SDC2: variants seen among roughly 807,000 people sequenced by gnomAD.
The protein encoded by SDC2 is syndecan-2.
Under a neutral mutation model 22.2 loss-of-function variants are expected in SDC2, and 13 were observed. That is an observed-to-expected ratio of 0.59 (90% CI 0.38 to 0.93). SDC2 has a LOEUF of 0.93. Ranked by LOEUF, SDC2 falls within the 40% of genes least tolerant of loss-of-function variation. SDC2 has a pLI of 0.00. For synonymous variants in SDC2, 94 were observed against 92.8 expected, an observed-to-expected ratio of 1.01 and a Z score of -0.07; for missense variants, 235 against 246.8, an observed-to-expected ratio of 0.95 and a Z score of 0.32.
At chr8:96,550,689 A>G (rs1452087952) in intron 1 of SDC2, among the ~76,000 whole-genome samples, 4 of 152,206 alleles carry the variant, frequency 2.6e-5, no homozygotes, top group East Asian at 1.9e-4. Flanking sequence ...CCTCTGCTGT[A>G]TAGGCAGATT....
chr8:96,558,886 C>A (rs898047278), intron 1 of SDC2, among the ~76,000 whole-genome samples: 2 of 151,948 alleles, frequency 1.3e-5, no homozygotes, highest in African/African-American at 4.8e-5. Flanking sequence ...TAATAGTAAA[C>A]TAAGTGATGC....
chr8:96,502,847 A>T (rs1266806270), intron 1 of SDC2, among the ~76,000 whole-genome samples: 1 of 152,238 alleles, frequency 6.6e-6, no homozygotes, highest in African/African-American at 2.4e-5. Flanking sequence ...GGGAATGTCC[A>T]TGCGTTGTGT....
At chr8:96,598,722 G>C (rs145995612) in intron 2 of SDC2, among the ~76,000 whole-genome samples, 4 of 152,122 alleles carry the variant, frequency 2.6e-5, no homozygotes, top group African/African-American at 9.7e-5. Flanking sequence ...CAGAGAGGGG[G>C]TGATATTGAT....
At chr8:96,540,097 T>C (rs1196151561) in intron 1 of SDC2, among the ~76,000 whole-genome samples, 1 of 151,834 alleles carries the variant, frequency 6.6e-6, no homozygotes, top group Non-Finnish European at 1.5e-5. Flanking sequence ...TACATGAATA[T>C]GAAAATCATC....
intron 2 of SDC2, among the ~76,000 whole-genome samples, chr8:96,601,785 A>C (rs1202101817): frequency 6.6e-6 from 1 of 151,842 alleles, no homozygotes; most frequent in Non-Finnish European, 1.5e-5. Flanking sequence ...TTTTTGGCAG[A>C]GTCTCACCCT....
intron 1 of SDC2, among the ~76,000 whole-genome samples, chr8:96,550,205 A>G (rs1213526617): frequency 1.3e-5 from 2 of 152,230 alleles, no homozygotes; most frequent in African/African-American, 4.8e-5. Context: ...ATTAAAATAC[A>G]GTTACAGGTT....
At chr8:96,606,271 A>ATT (rs56276121) in intron 3 of SDC2, among the ~76,000 whole-genome samples, 4 of 151,864 alleles carry the variant, frequency 2.6e-5, no homozygotes, top group African/African-American at 9.7e-5. Flanking sequence ...AATTTTAAAA[A>ATT]TTTTTTTGTA....
chr8:96,565,154 G>A (rs1407170453), intron 1 of SDC2, among the ~76,000 whole-genome samples: 3 of 136,158 alleles, frequency 2.2e-5, no homozygotes, highest in East Asian at 4.2e-4. Context: ...GTACGATCTC[G>A]GCTCACTGCA....
At chr8:96,594,381 G>C (rs1381452960) in intron 2 of SDC2, among the ~76,000 whole-genome samples, 2 of 152,160 alleles carry the variant, frequency 1.3e-5, no homozygotes, top group African/African-American at 4.8e-5. Flanking sequence ...CTTGGGTTCT[G>C]TTCGTGTGGT....
intron 1 of SDC2, among the ~76,000 whole-genome samples, chr8:96,523,673 G>T (rs1385353516): frequency 6.6e-6 from 1 of 152,152 alleles, no homozygotes; most frequent in Non-Finnish European, 1.5e-5. Flanking sequence ...CAGCAGCAAG[G>T]TTATAAAACG....
intron 1 of SDC2, among the ~76,000 whole-genome samples, chr8:96,584,356 A>C (rs1478348897): frequency 2.0e-5 from 3 of 152,186 alleles, no homozygotes; most frequent in Non-Finnish European, 4.4e-5. Context: ...TTGTATAGGG[A>C]GGAGAATATA....
rs377701176 is a variant in SDC2 at position 96,502,320 on chromosome 8, G to A, written c.60+7989G>A. ...GTTTCAGTTATCTCCACCTGGCCCC[G>A]CCCTTGAAATATGGGGATTATTACA... On this transcript the variant is annotated intron_variant, in intron 1 of 4. Coordinates refer to ENST00000302190, the MANE Select transcript of SDC2 (RefSeq NM_002998.4). Among the ~76,000 whole-genome samples the A allele has an allele frequency of 1.8e-3, 278 of 152,210 alleles. 1 individual carries two copies. The highest frequency in any genetic ancestry group is 6.4e-3 in the African/African-American group (264 of 41,526).
chr8:96,546,346 C>T (rs1031872532), intron 1 of SDC2, among the ~76,000 whole-genome samples: 1 of 152,102 alleles, frequency 6.6e-6, no homozygotes, highest in African/African-American at 2.4e-5. Context: ...CAGACATGCC[C>T]TTACTTGGAT....
At chr8:96,602,604 C>G in intron 3 of SDC2, 76 bp downstream of exon 3, 1 of 1,486,120 alleles carries the variant, frequency 6.7e-7, no homozygotes, top group Non-Finnish European at 9.2e-7. Context: ...ACACAACAGT[C>G]CCTTTTGTAT....
At chr8:96,575,035 G>C (rs1814463477) in intron 1 of SDC2, among the ~76,000 whole-genome samples, 1 of 152,182 alleles carries the variant, frequency 6.6e-6, no homozygotes, top group South Asian at 2.1e-4. Context: ...TGCCGCCACT[G>C]ATCTGACAGG....
intron 1 of SDC2, among the ~76,000 whole-genome samples, chr8:96,553,332 A>G (rs904651535): frequency 2.6e-5 from 4 of 152,178 alleles, no homozygotes; most frequent in African/African-American, 9.6e-5. Context: ...TTCTTATTGG[A>G]TTTTAATATT....
chr8:96,560,999 GA>G (rs1814200463), intron 1 of SDC2, among the ~76,000 whole-genome samples: 1 of 152,164 alleles, frequency 6.6e-6, no homozygotes. Flanking sequence ...AGCTGCTCAG[GA>G]GGCTGAGGCA....
Position 96,512,686 on chromosome 8 carries a change from T to G in SDC2, c.60+18355T>G, listed in dbSNP as rs145141158. Among the ~76,000 whole-genome samples the G allele has an allele frequency of 7.1e-3, 1,076 of 152,226 alleles. 13 individuals carry two copies. Among genetic ancestry groups the G allele is most frequent in the African/African-American group, 0.025 (1,043 of 41,538 alleles). ...TAGTCAAGCATGGAATATTTGAAGA[T>G]TATTAGCACGTGACATAAAGGGTAT... On this transcript the variant is annotated intron_variant, in intron 1 of 4. Transcript: ENST00000302190.
rs10108479 is a variant in SDC2 at position 96,549,224 on chromosome 8, A to G, written c.61-44256A>G. Among the ~76,000 whole-genome samples the G allele has an allele frequency of 3.8e-3, 583 of 152,370 alleles. 3 individuals are homozygous for G. The highest frequency in any genetic ancestry group is 0.014 in the African/African-American group (563 of 41,588). ...TTTAAAAACAATTTTGAATATTTCT[A>G]AACTTTCTCCTTTGCATTTTTTTCT... is the stretch of plus-strand genomic sequence containing the variant. On this transcript the variant is annotated intron_variant, in intron 1 of 4. Transcript: ENST00000302190.
Sources: gnomAD v4.1 joint callset for allele counts (sites outside exome capture counted in the v4.1 genomes callset) on GRCh38, gnomAD v4.1.1 for gene constraint, MANE v1.5 for transcripts, NCBI Gene and HGNC (gene_info 2026-07-23, HGNC 2026-07-21) for gene names.